Variants in PSME3IP1 observed in about 807,000 individuals in gnomAD.
PSME3IP1 encodes PSME3-interacting protein.
In PSME3IP1, 13 loss-of-function variants were observed where a neutral mutation model predicts 34.1. That is an observed-to-expected ratio of 0.38 (90% CI 0.25 to 0.61). PSME3IP1 has a LOEUF of 0.61. PSME3IP1 is among the 20% of genes least tolerant of loss of function. PSME3IP1 has a pLI of 0.60. For missense variants in PSME3IP1, 237 were observed against 301.4 expected, an observed-to-expected ratio of 0.79 and a Z score of 1.58; for synonymous variants, 93 against 114.3, an observed-to-expected ratio of 0.81 and a Z score of 1.19.
intron 6 of PSME3IP1, among the ~76,000 whole-genome samples, chr16:57,162,676 A>T: frequency 6.6e-6 from 1 of 152,016 alleles, no homozygotes; most frequent in Non-Finnish European, 1.5e-5. Flanking sequence ...AAAAAAAAAA[A>T]AAAAAAAATT....
intron 1 of PSME3IP1, among the ~76,000 whole-genome samples, chr16:57,176,861 T>A (rs937743702): frequency 3.4e-5 from 5 of 147,372 alleles, no homozygotes; most frequent in African/African-American, 1.2e-4. Flanking sequence ...ATATATATAA[T>A]TTTTTTTTTT....
At chr16:57,179,174 G>A (rs1447845633) in intron 1 of PSME3IP1, among the ~76,000 whole-genome samples, 3 of 118,112 alleles carry the variant, frequency 2.5e-5, no homozygotes, top group Non-Finnish European at 5.0e-5. Context: ...CTTTACTCAC[G>A]TTTTCCAAAG....
chr16:57,174,501 A>G (rs1334992543), intron 1 of PSME3IP1: 1 of 985,292 alleles, frequency 1.0e-6, no homozygotes, highest in African/African-American at 1.7e-5. Context: ...ATCTAGAAAA[A>G]TTGGCCTCCT....
chr16:57,160,275 C>A (rs1298829918), intron 6 of PSME3IP1, among the ~76,000 whole-genome samples: 1 of 145,872 alleles, frequency 6.9e-6, no homozygotes, highest in Non-Finnish European at 1.5e-5. Context: ...CCGGCCTGGG[C>A]GACAGAGCGA....
At chr16:57,156,922 C>T (rs576933123) in intron 6 of PSME3IP1, among the ~76,000 whole-genome samples, 1 of 152,304 alleles carries the variant, frequency 6.6e-6, no homozygotes, top group East Asian at 1.9e-4. Context: ...ACATTCATTG[C>T]AGCACTGTTT....
At chr16:57,167,556 A>G (rs187303255) in intron 4 of PSME3IP1, among the ~76,000 whole-genome samples, 1 of 152,336 alleles carries the variant, frequency 6.6e-6, no homozygotes. Flanking sequence ...GAATATAAAG[A>G]AAACAGAAAA....
intron 4 of PSME3IP1, among the ~76,000 whole-genome samples, chr16:57,168,943 AAAAAAAAACAAAAATGG>A (rs1444246896): frequency 4.6e-5 from 7 of 150,592 alleles, no homozygotes; most frequent in South Asian, 2.1e-4. Context: ...ATTAAATATT[AAAAAAAAACAAAAATGG>A]AAAAAAAACA....
intron 1 of PSME3IP1, 58 bp downstream of exon 1, chr16:57,185,763 C>T (rs564940339): frequency 1.0e-6 from 1 of 985,520 alleles, no homozygotes; most frequent in East Asian, 1.1e-4. Flanking sequence ...CTCATCTCTT[C>T]CGTAAGGAAG....
At chr16:57,160,474 T>C (rs900353114) in intron 6 of PSME3IP1, among the ~76,000 whole-genome samples, 1 of 152,214 alleles carries the variant, frequency 6.6e-6, no homozygotes, top group Non-Finnish European at 1.5e-5. Context: ...GAAGGGCAAT[T>C]TGGCAATATT....
In PSME3IP1 at chr16:57,185,801, A is replaced by G. The variant is rs1035214425; in HGVS notation, c.-16+20T>C. ...GGAACCCAGGTGTCGCCGCCAGGCCAGGACCGAGGCCGCACTCACCTACCG... is the reference window on the plus strand; with the variant it reads ...GGAACCCAGGTGTCGCCGCCAGGCCGGGACCGAGGCCGCACTCACCTACCG... On this transcript the variant is annotated intron_variant, in intron 1 of 6. Coordinates refer to ENST00000309137, the MANE Select transcript of PSME3IP1 (RefSeq NM_024946.4). 32 of 985,444 alleles carry G rather than the reference A, an allele frequency of 3.2e-5. No individual in the cohort carries two copies. Among genetic ancestry groups the G allele is most frequent in the Non-Finnish European group, 3.5e-5 (29 of 830,076 alleles). The allele number at this position is 985,444 out of a possible 1,614,324, so 61.0% of individuals were successfully genotyped here.
chr16:57,167,297 T>TA (rs777519605), intron 4 of PSME3IP1, 71 bp from the exon 5 acceptor site: 3 of 1,560,944 alleles, frequency 1.9e-6, no homozygotes, highest in Admixed American at 3.4e-5. Flanking sequence ...GCCCTTCGGC[T>TA]GTGCGATGTA....
intron 6 of PSME3IP1, among the ~76,000 whole-genome samples, chr16:57,159,870 C>A (rs1344611586): frequency 3.9e-5 from 6 of 152,106 alleles, no homozygotes; most frequent in Non-Finnish European, 8.8e-5. Flanking sequence ...GATTCCTATG[C>A]CAAGAGCATT....
chr16:57,161,874 A>G lies in PSME3IP1; in HGVS notation c.547+2127T>C, dbSNP rs180703456. Reference sequence around the variant, plus strand: ...CAATTGGAGAAAATACTAACTTAATATTCGATAATATTTGGTAATTACTGT... The same window carrying G: ...CAATTGGAGAAAATACTAACTTAATGTTCGATAATATTTGGTAATTACTGT... On this transcript the variant is annotated intron_variant, in intron 6 of 6. Transcript: ENST00000309137. Among the ~76,000 whole-genome samples the G allele has an allele frequency of 2.4e-4, 36 of 152,238 alleles. No homozygotes were observed. In the East Asian group the frequency reaches 6.4e-3, roughly 27 times the overall value.
At chr16:57,173,995 T>C (rs2072920242) in intron 1 of PSME3IP1, 126 bp from the exon 2 acceptor site, 2 of 1,057,850 alleles carry the variant, frequency 1.9e-6, no homozygotes, top group African/African-American at 1.6e-5. Context: ...TCTTCCAACT[T>C]TGAATTGAAA....
At chr16:57,182,551 TAAAAAAAAAAA>T (rs10717048) in intron 1 of PSME3IP1, among the ~76,000 whole-genome samples, 19 of 76,756 alleles carry the variant, frequency 2.5e-4, no homozygotes, top group African/African-American at 1.1e-4. Context: ...CCATTTCCCT[TAAAAAAAAAAA>T]AAAAAAAAAA....
chr16:57,172,469 G>T, intron 3 of PSME3IP1, 97 bp from the exon 4 acceptor site: 3 of 1,305,682 alleles, frequency 2.3e-6, no homozygotes, highest in Non-Finnish European at 3.2e-6. Context: ...TTCTTCAGGG[G>T]ATTAAAAAAA....
chr16:57,175,509 T>C (rs2073094768), intron 1 of PSME3IP1: 1 of 152,198 alleles, frequency 6.6e-6, no homozygotes, highest in Admixed American at 6.5e-5. Context: ...ACCACAAAAA[T>C]AAAGCAGCTA....
chr16:57,161,392 C>T (rs1432933098), intron 6 of PSME3IP1, among the ~76,000 whole-genome samples: 1 of 152,052 alleles, frequency 6.6e-6, no homozygotes, highest in African/African-American at 2.4e-5. Flanking sequence ...AAATATAAAC[C>T]ACTGAGTCGT....
chr16:57,166,975 A>T, intron 5 of PSME3IP1, 118 bp downstream of exon 5: 1 of 1,177,346 alleles, frequency 8.5e-7, no homozygotes, highest in Non-Finnish European at 1.2e-6. Flanking sequence ...AGGTGAGCAC[A>T]CCAAGGGAAC....
Sources: gnomAD v4.1 joint callset for allele counts (sites outside exome capture counted in the v4.1 genomes callset) on GRCh38, gnomAD v4.1.1 for gene constraint, MANE v1.5 for transcripts, NCBI Gene and HGNC (gene_info 2026-07-23, HGNC 2026-07-21) for gene names.